Variants in ZNF512 observed in about 807,000 individuals in gnomAD.
ZNF512 encodes zinc finger protein 512.
A neutral mutation model predicts 77.5 loss-of-function variants in ZNF512; 25 were observed. The ratio of observed to expected loss-of-function variants is 0.32; its 90% CI spans 0.23 to 0.45. The LOEUF (loss-of-function observed/expected upper bound fraction) is 0.45. Ranked by LOEUF, ZNF512 falls within the 20% of genes least tolerant of loss-of-function variation. The pLI, the probability that ZNF512 is intolerant of heterozygous loss-of-function variation, is 1.00. For synonymous variants in ZNF512, 246 were observed against 239.9 expected, an observed-to-expected ratio of 1.03 and a Z score of -0.24; for missense variants, 483 against 692.6, an observed-to-expected ratio of 0.70 and a Z score of 3.40.
chr2:27,595,691 A>G (rs901695210), intron 2 of ZNF512, among the ~76,000 whole-genome samples: 2 of 152,074 alleles, frequency 1.3e-5, no homozygotes, highest in Non-Finnish European at 2.9e-5. Context: ...TCTCCATTCT[A>G]TTACTGAACC....
At position 27,615,266 on chromosome 2, in the gene ZNF512, C is replaced by T. The variant is rs1182833680; in HGVS notation, c.1230C>T (p.Asn410=). Residue 410 remains asparagine, a synonymous_variant, in exon 11 of 14, where the codon AAC becomes AAT. Coordinates refer to ENST00000355467, the MANE Select transcript of ZNF512 (RefSeq NM_032434.4). ...AATATCATCGTATTCAGTGTCCTAA[C>T]CAGGTGGTTCTTTCTCATTCATTTA... ...IKKYHRIQCP[N]QGCEAVYSSV... is the part of the protein sequence containing the mutation. 2 of 1,577,910 alleles carry T rather than the reference C, an allele frequency of 1.3e-6. No individual in the cohort carries two copies. The highest frequency in any genetic ancestry group is 1.4e-5 in the African/African-American group (1 of 73,336).
rs144105117 is a variant in ZNF512 at position 27,605,269 on chromosome 2, A to G, written c.936+1962A>G. 6.2e-3 allele frequency among the ~76,000 whole-genome samples: 945 copies of G among 152,136 alleles called. 5 individuals carry two copies. The highest frequency in any genetic ancestry group is 0.01 in the Non-Finnish European group (692 of 67,996). The stretch of plus-strand genomic sequence containing the variant: ...AGGAGTTCGAGACCAGCTGGGCAAC[A>G]TGGTGAAACCCCATCTCTACAGAAA... On this transcript the variant is annotated intron_variant, in intron 9 of 13. Coordinates refer to ENST00000355467, the MANE Select transcript of ZNF512 (RefSeq NM_032434.4).
intron 9 of ZNF512, among the ~76,000 whole-genome samples, chr2:27,606,393 C>T (rs1672362355): frequency 6.6e-6 from 1 of 151,434 alleles, no homozygotes; most frequent in Admixed American, 6.6e-5. Flanking sequence ...GACAGAGTCT[C>T]ACTCTGTTGC....
rs895806481 is a variant in ZNF512 at position 27,589,434 on chromosome 2, G to A, written c.89+5718G>A. Among the ~76,000 whole-genome samples, 6 of 152,124 alleles carry A rather than the reference G, an allele frequency of 3.9e-5. No individual in the cohort carries two copies. The South Asian group carries it at 1.0e-3, about 26-fold the overall frequency. ...ATTACTTAATGTCTACATAATCTGC[G>A]GTAACCCCTTTTTCATTTGTGATAT... On this transcript the variant is annotated intron_variant, in intron 2 of 13. Transcript: ENST00000355467.
intron 2 of ZNF512, among the ~76,000 whole-genome samples, chr2:27,590,587 ATTTTTTGTTCTCTGTTTATCCATTG>A (rs1296326470): frequency 6.6e-6 from 1 of 151,862 alleles, no homozygotes; most frequent in East Asian, 1.9e-4. Flanking sequence ...CTGCCCTTTT[ATTTTTTGTTCTCTGTTTATCCATTG>A]TTTTTTGTTC....
Position 27,600,740 on chromosome 2 carries a change from C to G in ZNF512, c.507C>G (p.Val169=). ...WYLEIVDKGS[V]SCPTCQAVGR... is the part of the protein sequence containing the mutation. ...TAGAAATCGTTGATAAAGGCAGTGTCTCCTGCCCTACCTGCCAGGCAGTGG... is the reference window on the plus strand; with the variant it reads ...TAGAAATCGTTGATAAAGGCAGTGTGTCCTGCCCTACCTGCCAGGCAGTGG... Residue 169 remains valine, a synonymous_variant, in exon 6 of 14, where the codon GTC becomes GTG. Transcript: ENST00000355467. 6.2e-7 allele frequency: 1 copy of G among 1,614,002 alleles called. No homozygotes were observed. The highest frequency in any genetic ancestry group is 8.5e-7 in the Non-Finnish European group (1 of 1,179,914).
chr2:27,599,822 G>C (rs1378130303), intron 4 of ZNF512, 144 bp downstream of exon 4: 1 of 1,147,766 alleles, frequency 8.7e-7, no homozygotes, highest in East Asian at 2.5e-5. Context: ...CCTCCATCCT[G>C]CCTCATTATA....
chr2:27,617,672 A>G (rs4666001), intron 13 of ZNF512, 101 bp downstream of exon 13: 27,912 of 675,818 alleles, frequency 0.041, 3,259 homozygotes, highest in Admixed American at 0.31. Context: ...AAGTATCTCT[A>G]AAGTGGTTAC....
intron 2 of ZNF512, among the ~76,000 whole-genome samples, chr2:27,593,810 G>GTTGACACAGCACATGTTTCAGAGAGCAT (rs1671713805): frequency 6.8e-6 from 1 of 146,096 alleles, no homozygotes; most frequent in Admixed American, 6.9e-5. Context: ...TTAACCCTGA[G>GTTGACACAGCACATGTTTCAGAGAGCAT]TTGACACAGC....
intron 7 of ZNF512, 148 bp from the exon 8 acceptor site, chr2:27,602,315 A>T: frequency 1.5e-6 from 1 of 645,868 alleles, no homozygotes; most frequent in Non-Finnish European, 2.6e-6. Flanking sequence ...CCAGGAGAAG[A>T]TGGAGAACAC....
Position 27,608,005 on chromosome 2 carries a change from A to G in ZNF512, c.1097A>G (p.Lys366Arg), listed in dbSNP as rs776466820. The G allele has an allele frequency of 1.3e-6, 2 of 1,597,058 alleles. No individual in the cohort carries two copies. The highest frequency in any genetic ancestry group is 1.7e-6 in the Non-Finnish European group (2 of 1,173,602). The change falls in exon 10 of 14, where the codon AAG becomes AGG. Residue 366 changes from lysine to arginine, a missense_variant. By Grantham distance (26) the Lys-to-Arg change is conservative (BLOSUM62 2). Around this residue, in one of 2 missense-constraint regions of ZNF512, gnomAD observed 324 missense variants for 525.0 expected, o/e 0.62. Coordinates refer to ENST00000355467, the MANE Select transcript of ZNF512 (RefSeq NM_032434.4). Reference protein sequence around the residue: ...AELAKEWPKRKVLQDLVPDDR... With the variant: ...AELAKEWPKRRVLQDLVPDDR... ...CTGGCCAAGGAATGGCCCAAGAGGAAGGTGCTTCAGGACCTGGTACCTGAT... is the reference window on the plus strand; with the variant it reads ...CTGGCCAAGGAATGGCCCAAGAGGAGGGTGCTTCAGGACCTGGTACCTGAT...
At chr2:27,585,637 AT>A (rs1479881439) in intron 2 of ZNF512, among the ~76,000 whole-genome samples, 2 of 152,250 alleles carry the variant, frequency 1.3e-5, no homozygotes, top group African/African-American at 4.8e-5. Flanking sequence ...GGATACCGAG[AT>A]GAACTAAAGT....
At chr2:27,606,482 C>T (rs59866363) in intron 9 of ZNF512, among the ~76,000 whole-genome samples, 5,243 of 152,086 alleles carry the variant, frequency 0.034, 285 homozygotes, top group African/African-American at 0.12. Context: ...CCTGCCTCAG[C>T]CTCCTAAGTA....
intron 11 of ZNF512, among the ~76,000 whole-genome samples, 179 bp downstream of exon 11, chr2:27,615,448 G>A (rs1382205677): frequency 6.6e-6 from 1 of 152,318 alleles, no homozygotes; most frequent in Admixed American, 6.5e-5. Flanking sequence ...GTTCTCCTGC[G>A]ATATGTAGCA....
chr2:27,618,198 G>T (rs1304546146), intron 13 of ZNF512, among the ~76,000 whole-genome samples: 1 of 152,134 alleles, frequency 6.6e-6, no homozygotes, highest in Non-Finnish European at 1.5e-5. Flanking sequence ...AGGATTACAG[G>T]TGTGAGCCAC....
At chr2:27,611,108 G>A (rs1244919807) in intron 10 of ZNF512, among the ~76,000 whole-genome samples, 1 of 152,082 alleles carries the variant, frequency 6.6e-6, no homozygotes, top group Non-Finnish European at 1.5e-5. Flanking sequence ...TATAAGCAAT[G>A]TATATTCTTT....
intron 8 of ZNF512, 79 bp downstream of exon 8, chr2:27,602,640 T>C (rs1672172884): frequency 8.0e-7 from 1 of 1,253,642 alleles, no homozygotes; most frequent in Non-Finnish European, 1.1e-6. Flanking sequence ...ATTTCTTCTC[T>C]TCCTCATTGT....
rs758784156 is a variant in ZNF512, at chr2:27,600,678, C to G, written c.458-13C>G. The G allele has an allele frequency of 1.4e-5, 22 of 1,609,494 alleles. No homozygotes were observed. Among genetic ancestry groups the G allele is most frequent in the Non-Finnish European group, 1.1e-5 (13 of 1,178,542 alleles). ...ACTGCAGATTACAAAGTGTTTCTTT[C>G]TCTCCTTTGTAGGCAGTTTGGAGGA... is the stretch of plus-strand genomic sequence containing the variant. On this transcript the variant is annotated splice_polypyrimidine_tract_variant and intron_variant, in intron 5 of 13. Coordinates refer to ENST00000355467, the MANE Select transcript of ZNF512 (RefSeq NM_032434.4).
At chr2:27,588,152 A>C (rs1671422254) in intron 2 of ZNF512, among the ~76,000 whole-genome samples, 2 of 151,644 alleles carry the variant, frequency 1.3e-5, no homozygotes, top group Non-Finnish European at 1.5e-5. Flanking sequence ...TTTGTCTTTC[A>C]TTTTCTTAAT....
Sources: allele counts gnomAD v4.1 joint callset (sites outside exome capture counted in the v4.1 genomes callset), GRCh38; gene constraint gnomAD v4.1.1; regional missense constraint gnomAD v4.1.1; transcripts MANE v1.5; gene names NCBI Gene and HGNC (gene_info 2026-07-23, HGNC 2026-07-21).